Variants in CA8 observed in about 807,000 individuals in gnomAD.
The protein encoded by CA8 is carbonic anhydrase 8 (inactive), also known as carbonic anhydrase-related protein.
Under a neutral mutation model 41.4 loss-of-function variants are expected in CA8, and 22 were observed. That is an observed-to-expected ratio of 0.53 (90% CI 0.38 to 0.76). The LOEUF is 0.76. Ranked by LOEUF, CA8 falls within the 30% of genes least tolerant of loss-of-function variation. The pLI is 0.00. For missense variants in CA8, 270 were observed against 352.8 expected, an observed-to-expected ratio of 0.77 and a Z score of 1.88; for synonymous variants, 121 against 130.6, an observed-to-expected ratio of 0.93 and a Z score of 0.50.
intron 2 of CA8, among the ~76,000 whole-genome samples, chr8:60,266,669 A>G (rs778087183): frequency 2.6e-5 from 4 of 152,248 alleles, no homozygotes; most frequent in Non-Finnish European, 4.4e-5. Context: ...TCAGTCCCAC[A>G]GGACCATGTC....
chr8:60,263,999 T>C (rs1331835698), intron 3 of CA8, among the ~76,000 whole-genome samples: 2 of 152,218 alleles, frequency 1.3e-5, no homozygotes, highest in African/African-American at 4.8e-5. Flanking sequence ...GGAAAAATCA[T>C]AGTCAGCAAT....
intron 7 of CA8, 124 bp downstream of exon 7, chr8:60,222,525 A>G: frequency 1.4e-6 from 1 of 713,028 alleles, no homozygotes; most frequent in East Asian, 2.7e-5. Context: ...AAGCCATTTA[A>G]CTTTCATCTG....
chr8:60,206,285 A>G (rs1427558122), intron 8 of CA8, among the ~76,000 whole-genome samples: 1 of 152,216 alleles, frequency 6.6e-6, no homozygotes, highest in Non-Finnish European at 1.5e-5. Context: ...TTCATCTATC[A>G]TATAAAGAAT....
intron 7 of CA8, among the ~76,000 whole-genome samples, chr8:60,221,452 T>C (rs1807244601): frequency 6.6e-6 from 1 of 152,320 alleles, no homozygotes; most frequent in Non-Finnish European, 1.5e-5. Context: ...TTAGTGGTAC[T>C]AAGAAACAAG....
intron 3 of CA8, among the ~76,000 whole-genome samples, chr8:60,254,229 T>C (rs1350283539): frequency 6.6e-6 from 1 of 152,234 alleles, no homozygotes; most frequent in Non-Finnish European, 1.5e-5. Flanking sequence ...ACTTGTTTGC[T>C]GAATGGTATA....
intron 3 of CA8, among the ~76,000 whole-genome samples, chr8:60,257,021 C>T (rs926584945): frequency 6.6e-6 from 1 of 151,904 alleles, no homozygotes; most frequent in Non-Finnish European, 1.5e-5. Flanking sequence ...TGCTCTGTCA[C>T]CCAGGCTGGA....
At chr8:60,267,846 A>G (rs1803950651) in intron 2 of CA8, among the ~76,000 whole-genome samples, 1 of 152,254 alleles carries the variant, frequency 6.6e-6, no homozygotes, top group African/African-American at 2.4e-5. Context: ...TATATGGATC[A>G]GAAAGGTTTG....
At chr8:60,226,608 G>T (rs1438537436) in intron 5 of CA8, among the ~76,000 whole-genome samples, 1 of 152,162 alleles carries the variant, frequency 6.6e-6, no homozygotes, top group East Asian at 1.9e-4. Context: ...ACACATCATT[G>T]CTAGGAGAAT....
At chr8:60,265,744 T>C (rs1434919311) in intron 3 of CA8, 181 bp downstream of exon 3, 2 of 648,448 alleles carry the variant, frequency 3.1e-6, no homozygotes, top group Non-Finnish European at 2.7e-6. Flanking sequence ...GCCACGAGAG[T>C]AGACAGGAGG....
intron 7 of CA8, among the ~76,000 whole-genome samples, chr8:60,214,729 A>G (rs1460048099): frequency 6.6e-6 from 1 of 152,190 alleles, no homozygotes; most frequent in Non-Finnish European, 1.5e-5. Flanking sequence ...GTCAGGATGT[A>G]AAGAGTCCTA....
chr8:60,191,826 C>T lies in CA8; in HGVS notation c.*36-1841G>A, dbSNP rs113771626. Among the ~76,000 whole-genome samples the T allele has an allele frequency of 4.3e-4, 65 of 152,200 alleles. 1 individual carries two copies. The highest frequency in any genetic ancestry group is 1.4e-3 in the African/African-American group (60 of 41,526). On this transcript the variant is annotated intron_variant, in intron 8 of 8. Transcript: ENST00000317995. ...TAAATACACAGTCATTCTAATCATA[C>T]GAGGTCAGGTCTCAAGCCAAAGCAG... is the stretch of plus-strand genomic sequence containing the variant.
intron 7 of CA8, among the ~76,000 whole-genome samples, chr8:60,220,116 G>A (rs1428413315): frequency 6.6e-6 from 1 of 152,108 alleles, no homozygotes; most frequent in Non-Finnish European, 1.5e-5. Context: ...TGGCCTAACT[G>A]GCGATTATAG....
chr8:60,213,887 G>A (rs916143722), intron 7 of CA8, among the ~76,000 whole-genome samples: 16 of 151,934 alleles, frequency 1.1e-4, no homozygotes, highest in Admixed American at 4.6e-4. Flanking sequence ...CGGCATTCTC[G>A]GGTTATAGCG....
chr8:60,276,591 A>C (rs1365114401), intron 2 of CA8, among the ~76,000 whole-genome samples: 1 of 152,204 alleles, frequency 6.6e-6, no homozygotes, highest in South Asian at 2.1e-4. Context: ...TATTAATTTA[A>C]ATAAAAATTA....
At chr8:60,252,743 A>T (rs1808496102) in intron 3 of CA8, among the ~76,000 whole-genome samples, 1 of 152,192 alleles carries the variant, frequency 6.6e-6, no homozygotes, top group Admixed American at 6.5e-5. Flanking sequence ...GGCACTAAAA[A>T]GTTTCAGATT....
chr8:60,193,030 G>T (rs1479951494), intron 8 of CA8, among the ~76,000 whole-genome samples: 2 of 149,888 alleles, frequency 1.3e-5, no homozygotes, highest in African/African-American at 2.5e-5. Context: ...TCCAAATATG[G>T]CTATATAGTA....
chr8:60,237,936 T>C (rs1807889288), intron 3 of CA8, among the ~76,000 whole-genome samples: 1 of 152,206 alleles, frequency 6.6e-6, no homozygotes, highest in African/African-American at 2.4e-5. Flanking sequence ...GGCAGCATGA[T>C]GACCATTATG....
chr8:60,194,734 C>A lies in CA8; in HGVS notation c.*36-4749G>T, dbSNP rs528281772. ...TGGGAATTTGAGAGATTCTATCATG[C>A]GAACGGGTTTGTTCCTCACATCTGC... On this transcript the variant is annotated intron_variant, in intron 8 of 8. Coordinates refer to ENST00000317995, the MANE Select transcript of CA8 (RefSeq NM_004056.6). Among the ~76,000 whole-genome samples the A allele has an allele frequency of 6.1e-4, 93 of 152,114 alleles. 1 individual carries two copies. The highest frequency in any genetic ancestry group is 9.7e-4 in the Non-Finnish European group (66 of 68,014).
chr8:60,257,650 C>T (rs538227239), intron 3 of CA8, among the ~76,000 whole-genome samples: 1 of 152,274 alleles, frequency 6.6e-6, no homozygotes, highest in African/African-American at 2.4e-5. Flanking sequence ...TTTCTTAACT[C>T]TTCCCCATCA....
Sources: allele counts gnomAD v4.1 joint callset (sites outside exome capture counted in the v4.1 genomes callset), GRCh38; gene constraint gnomAD v4.1.1; transcripts MANE v1.5; gene names NCBI Gene and HGNC (gene_info 2026-07-23, HGNC 2026-07-21).